FLT4: variants seen among roughly 807,000 people sequenced by gnomAD.
The protein encoded by FLT4 is vascular endothelial growth factor receptor 3.
FLT4 carries 30 observed loss-of-function variants against 163.2 expected under a neutral mutation model. That is an observed-to-expected ratio of 0.18 (90% CI 0.14 to 0.25). The LOEUF (loss-of-function observed/expected upper bound fraction) is 0.25. FLT4 is among the 10% of genes least tolerant of loss of function. The pLI is 1.00. For missense variants in FLT4, 1,510 were observed against 1,863.8 expected, an observed-to-expected ratio of 0.81 and a Z score of 3.50; for synonymous variants, 884 against 789.5, an observed-to-expected ratio of 1.12 and a Z score of -2.01.
Position 180,609,930 on chromosome 5 carries a change from G to A in FLT4, c.3782C>T (p.Thr1261Ile). 1 of 1,614,182 alleles carries A rather than the reference G, an allele frequency of 6.2e-7. No individual in the cohort carries two copies. The highest frequency in any genetic ancestry group is 1.1e-5 in the South Asian group (1 of 91,086). The change falls in exon 28 of 30, where the codon ACC becomes ATC. Residue 1261 changes from threonine to isoleucine, a missense_variant. Around this residue, in one of 5 missense-constraint regions of FLT4, gnomAD observed 295 missense variants for 311.0 expected, o/e 0.95. Transcript: ENST00000261937. ...CACAGAGCCTTTGTAGGTCGTTGGG[G>A]TCATGGGGAATTCCTCAAATGTCTT... ...RMKTFEEFPM[T>I]PTTYKGSVDN... is the part of the protein sequence containing the mutation.
At chr5:180,612,456 CAGGGCAGGGGCCA>C in intron 26 of FLT4, 37 bp downstream of exon 26, 2 of 1,395,796 alleles carry the variant, frequency 1.4e-6, no homozygotes, top group Non-Finnish European at 2.0e-6. Context: ...GCCAGGGACC[CAGGGCAGGGGCCA>C]AAGGCCATAG....
intron 28 of FLT4, 144 bp from the exon 29 acceptor site, chr5:180,609,197 C>T (rs1761986162): frequency 1.1e-5 from 8 of 708,160 alleles, no homozygotes; most frequent in South Asian, 6.0e-5. Context: ...AGAAACAAGG[C>T]GTCCATTCCA....
intron 2 of FLT4, 59 bp downstream of exon 2, chr5:180,631,623 C>T (rs1764170035): frequency 5.1e-6 from 7 of 1,385,816 alleles, no homozygotes; most frequent in Non-Finnish European, 7.1e-6. Context: ...ACAGCCACCA[C>T]CTCCTGCCTT....
Position 180,629,732 on chromosome 5 carries a change from T to C in FLT4, c.780A>G (p.Ser260=). 1 of 1,612,008 alleles carries C rather than the reference T, an allele frequency of 6.2e-7. No homozygotes were observed. The highest frequency in any genetic ancestry group is 8.5e-7 in the Non-Finnish European group (1 of 1,179,688). Residue 260 remains serine, a synonymous_variant, in exon 6 of 30, where the codon TCA becomes TCG. Transcript: ENST00000261937. ...GGTAGTCCCAGTCAAAGGTGACACCTGAGTTAAACTCAGCCCACACGGTGC... is the reference window on the plus strand; with the variant it reads ...GGTAGTCCCAGTCAAAGGTGACACCCGAGTTAAACTCAGCCCACACGGTGC... ...LNCTVWAEFN[S]GVTFDWDYPG...
rs113034305 is a variant in FLT4 at position 180,603,132 on chromosome 5, C to T, written c.*60G>A. The T allele has an allele frequency of 0.012, 18,362 of 1,549,076 alleles. 292 individuals carry two copies. Among genetic ancestry groups the T allele is most frequent in the African/African-American group, 0.072 (5,343 of 73,822 alleles). On this transcript the variant is annotated 3_prime_UTR_variant, in exon 30 of 30. Transcript: ENST00000261937. ...ATGAGTTCCCAGCCTGGGCCTCCAG[C>T]CCTCTGCCCGCCCTGCCGGGCCTGA...
chr5:180,601,834 T>TGGGGA lies in FLT4; in HGVS notation c.*1353_*1357dup, dbSNP rs1761533453. The TGGGGA allele has an allele frequency of 4.9e-6, 1 of 205,858 alleles. No homozygotes were observed. The highest frequency in any genetic ancestry group is 9.6e-6 in the Non-Finnish European group (1 of 104,126). The allele number at this position is 205,858 out of a possible 1,614,324, so 12.8% of individuals were successfully genotyped here. ...CTGGAGTAACGCGCAGTGGGGGAGG[T>TGGGGA]GGGGAGGGGAGGGTCGGCCGGGCAA... On this transcript the variant is annotated 3_prime_UTR_variant, in exon 30 of 30. Transcript: ENST00000261937.
chr5:180,628,970 T>C lies in FLT4; in HGVS notation c.1015A>G (p.Lys339Glu). The change falls in exon 8 of 30, where the codon AAA becomes GAA. Residue 339 changes from lysine (K) to glutamate (E), a missense_variant. Around this residue, in one of 5 missense-constraint regions of FLT4, gnomAD observed 163 missense variants for 281.1 expected, o/e 0.58. Coordinates refer to ENST00000261937, the MANE Select transcript of FLT4 (RefSeq NM_182925.5). Reference protein sequence around the residue: ...ENPFISVEWLKGPILEATAGD... With the variant: ...ENPFISVEWLEGPILEATAGD... ...GCCGTGGCCTCCAGGATGGGTCCTTTGAGCCACTCGACGCTGATGAAGGGA... is the reference window on the plus strand; with the variant it reads ...GCCGTGGCCTCCAGGATGGGTCCTTCGAGCCACTCGACGCTGATGAAGGGA... The C allele has an allele frequency of 1.9e-6, 3 of 1,612,394 alleles. No individual in the cohort carries two copies. Among genetic ancestry groups the C allele is most frequent in the South Asian group, 1.1e-5 (1 of 91,078 alleles).
At chr5:180,649,125 C>T (rs1765625201) in intron 1 of FLT4, among the ~76,000 whole-genome samples, 1 of 151,788 alleles carries the variant, frequency 6.6e-6, no homozygotes, top group African/African-American at 2.4e-5. Context: ...GGCGCGGGGA[C>T]CCCGCGGGGA....
At chr5:180,626,058 C>G (rs1763580410) in intron 9 of FLT4, 27 bp from the exon 10 acceptor site, 2 of 1,612,640 alleles carry the variant, frequency 1.2e-6, no homozygotes, top group Admixed American at 3.3e-5. Context: ...GGCCGGTCAG[C>G]TGGCCTCCAA....
At chr5:180,649,907 G>C (rs1765662230), upstream of FLT4, among the ~76,000 whole-genome samples, 1 of 152,156 alleles carries the variant, frequency 6.6e-6, no homozygotes, top group African/African-American at 2.4e-5. Context: ...CTTTCCATCG[G>C]TAAAATCTAG....
At chr5:180,629,894 G>A (rs2127835667) in intron 5 of FLT4, 49 bp downstream of exon 5, 2 of 1,612,700 alleles carry the variant, frequency 1.2e-6, no homozygotes, top group Non-Finnish European at 1.7e-6. Context: ...ACTGAGGCCA[G>A]TGAGGCAGTG....
At chr5:180,639,561 G>T in intron 1 of FLT4, among the ~76,000 whole-genome samples, 1 of 152,156 alleles carries the variant, frequency 6.6e-6, no homozygotes, top group South Asian at 2.1e-4. Flanking sequence ...GTGAAGCATG[G>T]ATGGGTGGAT....
chr5:180,627,819 CGTGA>C (rs772125240), intron 8 of FLT4, among the ~76,000 whole-genome samples: 5 of 152,164 alleles, frequency 3.3e-5, no homozygotes, highest in Admixed American at 1.3e-4. Flanking sequence ...GAGCTGTACC[CGTGA>C]GTGAGGCTCC....
chr5:180,631,298 C>T (rs191917763), intron 2 of FLT4, among the ~76,000 whole-genome samples: 3,308 of 150,674 alleles, frequency 0.022, 70 homozygotes, highest in Admixed American at 0.057. Flanking sequence ...ACGGTGAAAC[C>T]CCGTCTCTAC....
At chr5:180,643,406 A>G (rs73812643) in intron 1 of FLT4, among the ~76,000 whole-genome samples, 6,027 of 152,216 alleles carry the variant, frequency 0.04, 170 homozygotes, top group South Asian at 0.12. Flanking sequence ...TTCTGGCCGC[A>G]GAACCCCTCC....
chr5:180,621,322 G>C, intron 13 of FLT4, 70 bp from the exon 14 acceptor site: 1 of 1,542,650 alleles, frequency 6.5e-7, no homozygotes, highest in Non-Finnish European at 8.8e-7. Context: ...TGGGCTGGGA[G>C]CAGAGGTAGA....
intron 10 of FLT4, among the ~76,000 whole-genome samples, chr5:180,624,295 C>T (rs532412790): frequency 7.6e-4 from 114 of 150,884 alleles, no homozygotes; most frequent in African/African-American, 2.7e-3. Flanking sequence ...GGCACAATCT[C>T]AGCTCACCGA....
chr5:180,628,667 C>T (rs879488126), intron 8 of FLT4, among the ~76,000 whole-genome samples: 1 of 152,208 alleles, frequency 6.6e-6, no homozygotes, highest in Non-Finnish European at 1.5e-5. Flanking sequence ...GTACTGAAAC[C>T]TTTCACAGTG....
Position 180,621,855 on chromosome 5 carries a change from T to G in FLT4, c.1707A>C (p.Leu569=). The change falls in exon 13 of 30, where the codon CTA becomes CTC. Residue 569 remains leucine (L), a synonymous_variant. Transcript: ENST00000261937. ...AGCTCAGGAGCACCGGCTGGCCCTC[T>G]AGTAGCTCCTCGGATGGCTTGGATT... ...TIESKPSEEL[L]EGQPVLLSCQ... is the part of the protein sequence containing the mutation. 6.2e-7 allele frequency: 1 copy of G among 1,613,420 alleles called. No homozygotes were observed. Among genetic ancestry groups the G allele is most frequent in the South Asian group, 1.1e-5 (1 of 91,088 alleles).
Sources: gnomAD v4.1 joint callset for allele counts (sites outside exome capture counted in the v4.1 genomes callset) on GRCh38, gnomAD v4.1.1 for gene constraint, gnomAD v4.1.1 regional missense constraint, MANE v1.5 for transcripts, NCBI Gene and HGNC (gene_info 2026-07-23, HGNC 2026-07-21) for gene names.